CHRD: variants seen among roughly 807,000 people sequenced by gnomAD.
CHRD encodes chordin.
Under a neutral mutation model 113.7 loss-of-function variants are expected in CHRD, and 69 were observed. The ratio of observed to expected loss-of-function variants is 0.61; its 90% CI spans 0.50 to 0.74. CHRD has a LOEUF of 0.74. CHRD is among the 30% of genes least tolerant of loss of function. The probability of loss-of-function intolerance (pLI) is 0.00; values close to 1 mark genes in which losing one functional copy is unlikely to be tolerated. For synonymous variants in CHRD, 561 were observed against 540.8 expected (o/e 1.04, Z -0.52); for missense variants, 1,194 against 1,295.8 (o/e 0.92, Z 1.21).
In CHRD at chr3:184,387,226, T is replaced by G. The variant is rs1716472017; in HGVS notation, c.2347+119T>G. 6 of 1,277,980 alleles carry G rather than the reference T, an allele frequency of 4.7e-6. No individual in the cohort carries two copies. The highest frequency in any genetic ancestry group is 6.7e-6 in the Non-Finnish European group (6 of 893,698). 79.2% of individuals were successfully genotyped at this position (1,277,980 alleles called of 1,614,324 possible). ...TGGCCTGAGGGGCACAGATTCCAAG[T>G]GATGCCTGACAGGACTCATTAGTGT... On this transcript the variant is annotated intron_variant, in intron 18 of 22. Coordinates refer to ENST00000204604, the Ensembl canonical transcript of CHRD. The surrounding 1 kb of genome is among the most constrained non-coding windows in gnomAD (Gnocchi z 6.1).
chr3:184,383,732 C>T (rs1234250756), intron 12 of CHRD, 90 bp downstream of exon 12: 3 of 1,274,786 alleles, frequency 2.4e-6, no homozygotes, highest in Non-Finnish European at 3.2e-6. Flanking sequence ...CATTATCATC[C>T]ACTCACTCAT....
chr3:184,383,451 G>A, intron 11 of CHRD, 33 bp downstream of exon 11: 1 of 1,613,026 alleles, frequency 6.2e-7, no homozygotes, highest in Non-Finnish European at 8.5e-7. Flanking sequence ...GGTGGGGGAG[G>A]GGTGGCGTGG....
At chr3:184,385,272 A>G in intron 14 of CHRD, 34 bp downstream of exon 14, 1 of 1,552,866 alleles carries the variant, frequency 6.4e-7, no homozygotes, top group Non-Finnish European at 8.9e-7. Flanking sequence ...AGCTTGGAAC[A>G]TTTCTGTTTT....
At chr3:184,389,293 C>A in intron 22 of CHRD, 74 bp from the exon 23 acceptor site, 2 of 1,431,644 alleles carry the variant, frequency 1.4e-6, no homozygotes, top group Non-Finnish European at 1.9e-6. Context: ...GATGCTTTGC[C>A]CTGCCCTCTA....
chr3:184,380,509 CG>C lies in CHRD; in HGVS notation c.148+47del. 1 of 1,095,564 alleles carries C rather than the reference CG, an allele frequency of 9.1e-7. No homozygotes were observed. The highest frequency in any genetic ancestry group is 4.0e-5 in the South Asian group (1 of 25,308). 67.9% of individuals were successfully genotyped at this position (1,095,564 alleles called of 1,614,324 possible). ...GGAGGCGCGGGCGGGGAGTCGGGCTCGGGGCGAGTCAGCGCCAGCCCGGAGG... is the reference window on the plus strand; with the variant it reads ...GGAGGCGCGGGCGGGGAGTCGGGCTCGGGCGAGTCAGCGCCAGCCCGGAGG... On this transcript the variant is annotated intron_variant, in intron 1 of 22. Coordinates refer to ENST00000204604, the Ensembl canonical transcript of CHRD. This position sits in a 1 kb window ranked among gnomAD's most constrained non-coding sequence, Gnocchi z 6.3.
chr3:184,385,141 T>G (rs1716080147), exon 14 of CHRD: 2 of 1,614,142 alleles, frequency 1.2e-6, no homozygotes, highest in Admixed American at 3.3e-5. Flanking sequence ...CTGGCTGGGC[T>G]TGGTGGCTCA....
At position 184,380,242 on chromosome 3, in the gene CHRD, C is replaced by G. The variant is rs1715053883; in HGVS notation, c.-77C>G. 1 of 528,190 alleles carries G rather than the reference C, an allele frequency of 1.9e-6. No homozygotes were observed. The highest frequency in any genetic ancestry group is 2.6e-6 in the Non-Finnish European group (1 of 386,928). 32.7% of individuals were successfully genotyped at this position (528,190 alleles called of 1,614,324 possible). A position where few individuals can be genotyped will look rare whatever the true frequency, so the allele number is the denominator to read the frequency against. ...CGCCCCCGGCCCGGCCCTCCGCCCTCCGCACTCCCGCCTCCCTCCCTCCGC... is the reference window on the plus strand; with the variant it reads ...CGCCCCCGGCCCGGCCCTCCGCCCTGCGCACTCCCGCCTCCCTCCCTCCGC... On this transcript the variant is annotated 5_prime_UTR_variant, in exon 1 of 23. Coordinates refer to ENST00000204604, the Ensembl canonical transcript of CHRD. The surrounding 1 kb of genome is among the most constrained non-coding windows in gnomAD (Gnocchi z 6.3).
chr3:184,380,254 C>A lies in CHRD; in HGVS notation c.-65C>A. The A allele has an allele frequency of 2.9e-6, 2 of 683,418 alleles. No individual in the cohort carries two copies. Among genetic ancestry groups the A allele is most frequent in the Non-Finnish European group, 1.9e-6 (1 of 516,962 alleles). The allele number at this position is 683,418 out of a possible 1,614,324, so 42.3% of individuals were successfully genotyped here. A position where few individuals can be genotyped will look rare whatever the true frequency, so the allele number is the denominator to read the frequency against. On this transcript the variant is annotated 5_prime_UTR_variant, in exon 1 of 23. Transcript: ENST00000204604. This position sits in a 1 kb window ranked among gnomAD's most constrained non-coding sequence, Gnocchi z 6.3. The stretch of plus-strand genomic sequence containing the variant: ...GGCCCTCCGCCCTCCGCACTCCCGC[C>A]TCCCTCCCTCCGCCCGCTCCCGCGC...
Position 184,380,273 on chromosome 3 carries a change from C to T in CHRD, c.-46C>T. The T allele has an allele frequency of 9.5e-7, 1 of 1,049,326 alleles. No individual in the cohort carries two copies. The highest frequency in any genetic ancestry group is 1.2e-6 in the Non-Finnish European group (1 of 832,946). The allele number at this position is 1,049,326 out of a possible 1,614,324, so 65.0% of individuals were successfully genotyped here. ...TCCCGCCTCCCTCCCTCCGCCCGCT[C>T]CCGCGCCCTCCTCCCTCCCTCCTCC... On this transcript the variant is annotated 5_prime_UTR_variant, in exon 1 of 23. Coordinates refer to ENST00000204604, the Ensembl canonical transcript of CHRD. This position sits in a 1 kb window ranked among gnomAD's most constrained non-coding sequence, Gnocchi z 6.3.
intron 22 of CHRD, 51 bp downstream of exon 22, chr3:184,389,046 C>CT: frequency 7.8e-7 from 1 of 1,275,084 alleles, no homozygotes; most frequent in African/African-American, 1.5e-5. Context: ...GCTCACCTGC[C>CT]TGTGGGACTC....
At chr3:184,382,090 T>C in intron 6 of CHRD, 70 bp downstream of exon 6, 1 of 1,584,928 alleles carries the variant, frequency 6.3e-7, no homozygotes, top group Non-Finnish European at 8.6e-7. Flanking sequence ...CTGCATTGCC[T>C]CCCGTGGTCC....
rs867146249 is a variant in CHRD at position 184,380,451 on chromosome 3, G to A, written c.133G>A (p.Val45Ile). 2.1e-4 allele frequency: 262 copies of A among 1,227,500 alleles called. No individual in the cohort carries two copies. The African/African-American group carries it at 3.9e-3, about 18-fold the overall frequency. 76.0% of individuals were successfully genotyped at this position (1,227,500 alleles called of 1,614,324 possible). The stretch of plus-strand genomic sequence containing the variant: ...CCGTTCTGAGAAGGAGCCGCTGCCC[G>A]TTCGGGGAGCGGCAGGTAGGTGGGC... Residue 45 changes from valine to isoleucine, a missense_variant, in exon 1 of 23, where the codon GTT (valine) becomes ATT (isoleucine). Coordinates refer to ENST00000204604, the Ensembl canonical transcript of CHRD. The surrounding 1 kb of genome is among the most constrained non-coding windows in gnomAD (Gnocchi z 6.3).
chr3:184,385,050 C>T, exon 14 of CHRD: 1 of 1,614,132 alleles, frequency 6.2e-7, no homozygotes. Context: ...AGCCCTGGTG[C>T]TACCCCCTGT....
intron 15 of CHRD, 92 bp from the exon 16 acceptor site, chr3:184,386,400 G>T: frequency 6.7e-7 from 1 of 1,492,112 alleles, no homozygotes; most frequent in Admixed American, 2.5e-5. Context: ...AGCGCTCAGG[G>T]GGCCGAGGTG....
Position 184,387,164 on chromosome 3 carries a change from C to G in CHRD, c.2347+57C>G. 6.6e-7 allele frequency: 1 copy of G among 1,524,484 alleles called. No individual in the cohort carries two copies. 94.4% of individuals were successfully genotyped at this position (1,524,484 alleles called of 1,614,324 possible). ...GCCCCAGAGGAGCCATTAGGTTGAA[C>G]CAGGAGGGGGACAAGAAGGGGAGAG... On this transcript the variant is annotated intron_variant, in intron 18 of 22. Transcript: ENST00000204604. This position sits in a 1 kb window ranked among gnomAD's most constrained non-coding sequence, Gnocchi z 6.1.
chr3:184,386,292 T>C (rs1190607250), intron 15 of CHRD, 133 bp downstream of exon 15: 38 of 1,194,218 alleles, frequency 3.2e-5, no homozygotes, highest in Non-Finnish European at 4.3e-5. Flanking sequence ...CCCCGGCTGG[T>C]GGGGAGGATG....
At chr3:184,390,647 G>A (rs1374964319), downstream of CHRD, 1 of 152,016 alleles carries the variant, frequency 6.6e-6, no homozygotes, top group Admixed American at 6.6e-5. Flanking sequence ...CAGGCATTTT[G>A]ACAAGCTCTA....
Position 184,382,788 on chromosome 3 carries a change from G to T in CHRD, c.982+14G>T, listed in dbSNP as rs1379972443. 5 of 1,613,490 alleles carry T rather than the reference G, an allele frequency of 3.1e-6. No homozygotes were observed. Among genetic ancestry groups the T allele is most frequent in the Non-Finnish European group, 4.2e-6 (5 of 1,179,760 alleles). ...CCAGGAGTGGGGGTAAGTGGGATGG[G>T]GGCAAAACACGTGAGAAGGTTAGGG... On this transcript the variant is annotated intron_variant, in intron 8 of 22. Coordinates refer to ENST00000204604, the Ensembl canonical transcript of CHRD.
At chr3:184,385,120 A>G in exon 14 of CHRD, 1 of 1,614,106 alleles carries the variant, frequency 6.2e-7, no homozygotes, top group East Asian at 2.2e-5. Context: ...CACCTGCACT[A>G]TGAAGTGCTG....
Sources: gnomAD v4.1 joint callset for allele counts on GRCh38, gnomAD v4.1.1 for gene constraint, Gnocchi (gnomAD v3.1) non-coding constraint, MANE v1.5 for transcripts, NCBI Gene and HGNC (gene_info 2026-07-23, HGNC 2026-07-21) for gene names.